The following PPIL2 variants were observed in gnomAD, a reference collection of about 807,000 sequenced individuals.
PPIL2 encodes RING-type E3 ubiquitin-protein ligase PPIL2.
Under a neutral mutation model 75.2 loss-of-function variants are expected in PPIL2, and 50 were observed. That is an observed-to-expected ratio of 0.66 (90% CI 0.53 to 0.84). The LOEUF (loss-of-function observed/expected upper bound fraction) is 0.84, where lower values mean the gene tolerates loss of function less well. Among genes scored for constraint, PPIL2 ranks in the 40% least tolerant of loss-of-function variants. PPIL2 has a pLI of 0.00. For missense variants in PPIL2, 590 were observed against 685.0 expected (o/e 0.86, Z 1.55); for synonymous variants, 245 against 258.8 (o/e 0.95, Z 0.51).
At chr22:21,679,758 C>G (rs1471477988) in intron 6 of PPIL2, among the ~76,000 whole-genome samples, 1 of 151,784 alleles carries the variant, frequency 6.6e-6, no homozygotes, top group African/African-American at 2.4e-5. Context: ...ATTTGAGGCT[C>G]TAACTTGGCC....
At position 21,695,531 on chromosome 22, in the gene PPIL2, CTGGGGG is replaced by C. The variant is rs1324727001; in HGVS notation, c.*42_*47del. 1 of 1,561,856 alleles carries C rather than the reference CTGGGGG, an allele frequency of 6.4e-7. No individual in the cohort carries two copies. The highest frequency in any genetic ancestry group is 8.7e-7 in the Non-Finnish European group (1 of 1,152,570). ...TGTGGACCTTGGTGGGGTTGCAGGG[CTGGGGG>C]CCCATGTCCACATCTCCATTTCCAG... On this transcript the variant is annotated 3_prime_UTR_variant, in exon 20 of 20. Coordinates refer to ENST00000398831, the MANE Select transcript of PPIL2 (RefSeq NM_014337.4).
chr22:21,670,770 A>T, intron 3 of PPIL2, 159 bp downstream of exon 3: 1 of 915,592 alleles, frequency 1.1e-6, no homozygotes. Flanking sequence ...CCTCGTCATG[A>T]TGTTAGGAGC....
At chr22:21,679,626 G>C (rs754727225) in intron 6 of PPIL2, among the ~76,000 whole-genome samples, 1 of 151,260 alleles carries the variant, frequency 6.6e-6, no homozygotes. Flanking sequence ...ACAAAAAAAC[G>C]GGGTCTCAGC....
chr22:21,681,396 TC>T lies in PPIL2; in HGVS notation c.387+8del. 2 of 1,608,644 alleles carry T rather than the reference TC, an allele frequency of 1.2e-6. No homozygotes were observed. The highest frequency in any genetic ancestry group is 1.7e-6 in the Non-Finnish European group (2 of 1,175,016). On this transcript the variant is annotated splice_region_variant and intron_variant, in intron 7 of 19. Transcript: ENST00000398831. ...GCAACGTCTACGCCTATGAGGTGTG[TC>T]CTCGCTCCGGGGCGTGGAGACAGCG...
chr22:21,673,056 C>G (rs746313879), intron 5 of PPIL2, among the ~76,000 whole-genome samples: 1 of 152,224 alleles, frequency 6.6e-6, no homozygotes, highest in East Asian at 1.9e-4. Context: ...CTTCCCTGCT[C>G]TCCAGTACAA....
rs376524325 is a variant in PPIL2, at chr22:21,694,925, G to A, written c.1333-12G>A. The stretch of plus-strand genomic sequence containing the variant: ...GGTGCTGCCGGTTAGCCAGCGCCCT[G>A]TTGTGCCACAGATTGCGCAGGAGCG... On this transcript the variant is annotated splice_polypyrimidine_tract_variant and intron_variant, in intron 18 of 19. Transcript: ENST00000398831. 6.2e-7 allele frequency: 1 copy of A among 1,612,262 alleles called. No individual in the cohort carries two copies. Among genetic ancestry groups the A allele is most frequent in the African/African-American group, 1.3e-5 (1 of 74,908 alleles).
At chr22:21,667,712 T>C (rs936093973) in intron 1 of PPIL2, among the ~76,000 whole-genome samples, 1 of 152,080 alleles carries the variant, frequency 6.6e-6, no homozygotes, top group African/African-American at 2.4e-5. Flanking sequence ...CCCAGTCTTG[T>C]GTAGTTAGTG....
Position 21,695,414 on chromosome 22 carries a change from A to C in PPIL2, c.1487A>C (p.Glu496Ala), listed in dbSNP as rs2067880962. Residue 496 changes from glutamate (E) to alanine (A), a missense_variant, in exon 20 of 20, where the codon GAG becomes GCG. Coordinates refer to ENST00000398831, the MANE Select transcript of PPIL2 (RefSeq NM_014337.4). The stretch of plus-strand genomic sequence containing the variant: ...CCCAGGAAGCGAGCAGCAGAGGAAG[A>C]GCCCTCAACCAGTGCCACTGTCCCC... ...PAATKRAAEE[E>A]PSTSATVPMS... The C allele has an allele frequency of 6.2e-7, 1 of 1,609,606 alleles. No individual in the cohort carries two copies. Among genetic ancestry groups the C allele is most frequent in the Non-Finnish European group, 8.5e-7 (1 of 1,178,102 alleles).
At chr22:21,685,065 T>G in intron 10 of PPIL2, 152 bp downstream of exon 10, 1 of 1,094,648 alleles carries the variant, frequency 9.1e-7, no homozygotes, top group Non-Finnish European at 1.3e-6. Context: ...GTGCCCCTGA[T>G]GGCTCTGAGT....
chr22:21,668,818 TCTC>T (rs1361179861), intron 1 of PPIL2, among the ~76,000 whole-genome samples: 14 of 148,514 alleles, frequency 9.4e-5, no homozygotes, highest in Non-Finnish European at 1.8e-4. Flanking sequence ...TTCATGCCAT[TCTC>T]CTGCCTCAGC....
At chr22:21,687,789 G>T (rs2067437631) in intron 13 of PPIL2, 57 bp downstream of exon 13, 17 of 1,543,050 alleles carry the variant, frequency 1.1e-5, no homozygotes, top group Non-Finnish European at 1.5e-5. Flanking sequence ...TCGGGGGCTG[G>T]GTGGGCTTGT....
chr22:21,686,339 T>C (rs2067359265), intron 10 of PPIL2, 144 bp from the exon 11 acceptor site: 1 of 715,092 alleles, frequency 1.4e-6, no homozygotes, highest in Non-Finnish European at 2.4e-6. Context: ...CTCCTGCTGG[T>C]TGGGGAGGCC....
In PPIL2 at chr22:21,676,309, T is replaced by TGTG. The variant is rs1555894902; in HGVS notation, c.295+1194_295+1195insGTG. On this transcript the variant is annotated intron_variant, in intron 6 of 19. Transcript: ENST00000398831. ...TTCAGCAAATATTTATTTATTTATT[T>TGTG]TGTGTGTGTGTGTGTGTGTGTGTGT... Among the ~76,000 whole-genome samples the TGTG allele has an allele frequency of 2.0e-3, 249 of 123,064 alleles. 2 individuals are homozygous for TGTG. Among genetic ancestry groups the TGTG allele is most frequent in the South Asian group, 7.2e-3 (27 of 3,738 alleles). The allele number at this position is 123,064 out of a possible 152,430, so 80.7% of individuals were successfully genotyped here. A position where few individuals can be genotyped will look rare whatever the true frequency, so the allele number is the denominator to read the frequency against.
intron 15 of PPIL2, among the ~76,000 whole-genome samples, chr22:21,692,485 C>A (rs372955322): frequency 1.3e-5 from 2 of 151,824 alleles, no homozygotes; most frequent in African/African-American, 4.8e-5. Flanking sequence ...GGACTTAATT[C>A]TTCAGGTGGT....
At chr22:21,694,482 C>T (rs1569047842) in intron 16 of PPIL2, 111 bp from the exon 17 acceptor site, 4 of 1,251,110 alleles carry the variant, frequency 3.2e-6, no homozygotes, top group Non-Finnish European at 4.6e-6. Context: ...GCCCAAGGAC[C>T]ACCAGGCCAG....
At chr22:21,666,953 C>T (rs529640441) in intron 1 of PPIL2, among the ~76,000 whole-genome samples, 1 of 136,184 alleles carries the variant, frequency 7.3e-6, no homozygotes, top group South Asian at 2.3e-4. Context: ...CTTGAAACCA[C>T]TCAAGTCAGA....
chr22:21,687,027 G>A, intron 12 of PPIL2, 29 bp downstream of exon 12: 2 of 1,585,446 alleles, frequency 1.3e-6, no homozygotes, highest in Non-Finnish European at 1.7e-6. Flanking sequence ...CACTCCCCAT[G>A]CCCCAAGGTC....
Position 21,694,779 on chromosome 22 carries a change from A to G in PPIL2, c.1294A>G (p.Thr432Ala), listed in dbSNP as rs1425365260. The change falls in exon 18 of 20, where the codon ACA becomes GCA. Residue 432 changes from threonine to alanine, a missense_variant. Physicochemically the swap from Thr to Ala is moderately conservative, Grantham distance 58. Transcript: ENST00000398831. ...GGAGGAGATCCGCATTGATGCCACT[A>G]CAGTGTTCGTGGACCCCTATGAGGA... ...PKEEIRIDAT[T>A]VFVDPYEEAD... 2 of 1,608,340 alleles carry G rather than the reference A, an allele frequency of 1.2e-6. No homozygotes were observed. Among genetic ancestry groups the G allele is most frequent in the African/African-American group, 1.3e-5 (1 of 74,856 alleles).
chr22:21,692,299 G>T (rs1433339379), intron 15 of PPIL2, among the ~76,000 whole-genome samples: 4 of 151,948 alleles, frequency 2.6e-5, no homozygotes, highest in African/African-American at 4.8e-5. Flanking sequence ...GGGACTACAG[G>T]CGCCCGCCAC....
Sources: allele counts gnomAD v4.1 joint callset (sites outside exome capture counted in the v4.1 genomes callset), GRCh38; gene constraint gnomAD v4.1.1; transcripts MANE v1.5; gene names NCBI Gene and HGNC (gene_info 2026-07-23, HGNC 2026-07-21).